ASTN2: variants seen among roughly 807,000 people sequenced by gnomAD.
ASTN2 encodes the protein astrotactin 2, also known as astrotactin-2.
ASTN2 carries 54 observed loss-of-function variants against 139.8 expected under a neutral mutation model. That is an observed-to-expected ratio of 0.39 (90% CI 0.31 to 0.48). The LOEUF is 0.48. Among genes scored for constraint, ASTN2 ranks in the 20% least tolerant of loss-of-function variants. The probability of loss-of-function intolerance (pLI) is 0.95; values close to 1 mark genes in which losing one functional copy is unlikely to be tolerated. For synonymous variants in ASTN2, 756 were observed against 719.5 expected (o/e 1.05, Z -0.81); for missense variants, 1,565 against 1,725.1 (o/e 0.91, Z 1.64).
At chr9:116,606,780 A>T (rs1855230113) in intron 19 of ASTN2, among the ~76,000 whole-genome samples, 1 of 152,170 alleles carries the variant, frequency 6.6e-6, no homozygotes, top group African/African-American at 2.4e-5. Flanking sequence ...ACCCTTAAAA[A>T]TAGCTTGTGA....
intron 20 of ASTN2, among the ~76,000 whole-genome samples, chr9:116,458,329 A>G (rs1264482475): frequency 2.0e-5 from 3 of 151,976 alleles, no homozygotes; most frequent in Admixed American, 1.3e-4. Context: ...TACAGTCAAC[A>G]ATTTACTGTA....
At chr9:117,013,486 ATTT>A (rs58077485) in intron 6 of ASTN2, among the ~76,000 whole-genome samples, 3,469 of 115,590 alleles carry the variant, frequency 0.03, 97 homozygotes, top group African/African-American at 0.078. Context: ...ATATATATAT[ATTT>A]TTTTTTTTCT....
intron 10 of ASTN2, among the ~76,000 whole-genome samples, chr9:116,923,375 C>A (rs1834666623): frequency 6.6e-6 from 1 of 152,162 alleles, no homozygotes; most frequent in Non-Finnish European, 1.5e-5. Flanking sequence ...TGCTCCTTAA[C>A]CCTACAATGA....
At chr9:116,960,678 C>T (rs929169465) in intron 10 of ASTN2, among the ~76,000 whole-genome samples, 1 of 151,866 alleles carries the variant, frequency 6.6e-6, no homozygotes, top group Non-Finnish European at 1.5e-5. Context: ...ATGTTTCCAG[C>T]GATTGCCAAA....
chr9:117,022,066 T>C, intron 6 of ASTN2, among the ~76,000 whole-genome samples: 1 of 152,110 alleles, frequency 6.6e-6, no homozygotes, highest in Non-Finnish European at 1.5e-5. Context: ...TCATTTCTAC[T>C]TTCCTAATTG....
At chr9:117,113,934 C>T (rs112576653) in intron 4 of ASTN2, among the ~76,000 whole-genome samples, 2 of 152,230 alleles carry the variant, frequency 1.3e-5, no homozygotes, top group African/African-American at 4.8e-5. Flanking sequence ...CTGGTGTATA[C>T]ATCTTTCAAA....
chr9:117,232,797 CT>C (rs949944819), intron 2 of ASTN2, among the ~76,000 whole-genome samples: 1 of 151,848 alleles, frequency 6.6e-6, no homozygotes, highest in Non-Finnish European at 1.5e-5. Context: ...AATTTTTTTT[CT>C]TTTTTTAATT....
At chr9:116,479,033 C>T (rs1849085706) in intron 20 of ASTN2, among the ~76,000 whole-genome samples, 1 of 148,598 alleles carries the variant, frequency 6.7e-6, no homozygotes, top group Non-Finnish European at 1.5e-5. Context: ...AATGCACAGC[C>T]TCTGAATTCA....
chr9:117,221,795 T>C (rs186621278), intron 2 of ASTN2, among the ~76,000 whole-genome samples: 1 of 151,716 alleles, frequency 6.6e-6, no homozygotes, highest in African/African-American at 2.4e-5. Flanking sequence ...CCCCAGTCTA[T>C]GTTTAAGCTG....
chr9:116,624,531 C>T (rs1041868117), intron 17 of ASTN2, among the ~76,000 whole-genome samples: 1 of 152,212 alleles, frequency 6.6e-6, no homozygotes, highest in African/African-American at 2.4e-5. Flanking sequence ...AGCTCTAAAA[C>T]TATGACAATA....
chr9:116,547,851 G>A (rs1425806384), intron 19 of ASTN2, among the ~76,000 whole-genome samples: 1 of 152,116 alleles, frequency 6.6e-6, no homozygotes, highest in Non-Finnish European at 1.5e-5. Flanking sequence ...CCCCCAAGCT[G>A]AGGTTCTGTG....
intron 1 of ASTN2, among the ~76,000 whole-genome samples, chr9:117,296,295 A>G (rs1270910785): frequency 6.7e-6 from 1 of 149,452 alleles, no homozygotes; most frequent in Non-Finnish European, 1.5e-5. Context: ...AAAAAAAAAA[A>G]AAAAAAAAGA....
chr9:116,515,503 G>A (rs936476690), intron 19 of ASTN2, among the ~76,000 whole-genome samples: 4 of 152,310 alleles, frequency 2.6e-5, no homozygotes, highest in Middle Eastern at 3.4e-3. Context: ...TTGCCATCTT[G>A]CTACTGTCCT....
At chr9:116,618,206 A>G in intron 19 of ASTN2, 118 bp downstream of exon 19, 1 of 1,132,806 alleles carries the variant, frequency 8.8e-7, no homozygotes, top group South Asian at 1.9e-5. Flanking sequence ...TCACTAAACA[A>G]TGAAATCTTC....
At chr9:116,977,813 T>A (rs1183852644) in intron 7 of ASTN2, among the ~76,000 whole-genome samples, 2 of 150,174 alleles carry the variant, frequency 1.3e-5, no homozygotes, top group Non-Finnish European at 3.0e-5. Flanking sequence ...ACCTCCCAGC[T>A]TCAAGTGATT....
intron 6 of ASTN2, among the ~76,000 whole-genome samples, chr9:117,033,256 TAA>T (rs929896990): frequency 2.6e-5 from 4 of 152,116 alleles, no homozygotes; most frequent in African/African-American, 7.2e-5. Context: ...TACAGCTTTG[TAA>T]AAATGTGGTC....
intron 17 of ASTN2, among the ~76,000 whole-genome samples, chr9:116,620,802 G>A (rs925527880): frequency 5.9e-5 from 9 of 152,186 alleles, no homozygotes; most frequent in African/African-American, 1.9e-4. Context: ...GAAGCACACA[G>A]AAAGTAAATA....
chr9:117,367,774 C>G (rs1829882297), intron 1 of ASTN2, among the ~76,000 whole-genome samples: 1 of 152,144 alleles, frequency 6.6e-6, no homozygotes, highest in South Asian at 2.1e-4. Flanking sequence ...TTTTGCTTCT[C>G]AGACATATAG....
At chr9:117,093,199 G>A (rs1257323548) in intron 5 of ASTN2, among the ~76,000 whole-genome samples, 2 of 152,214 alleles carry the variant, frequency 1.3e-5, no homozygotes, top group African/African-American at 4.8e-5. Flanking sequence ...AGGTCACACA[G>A]TGAGTTGGTA....
Sources: gnomAD v4.1 joint callset for allele counts (sites outside exome capture counted in the v4.1 genomes callset) on GRCh38, gnomAD v4.1.1 for gene constraint, MANE v1.5 for transcripts, NCBI Gene and HGNC (gene_info 2026-07-23, HGNC 2026-07-21) for gene names.